The following SAMMSON variants were observed in gnomAD, a reference collection of about 807,000 sequenced individuals.
SAMMSON encodes the protein survival associated mitochondrial melanoma specific oncogenic non-coding RNA.
intron 3 of SAMMSON, chr3:70,014,174 G>C (rs144920469): frequency 6.6e-6 from 1 of 152,168 alleles, no homozygotes; most frequent in African/African-American, 2.4e-5. Flanking sequence ...TTCCAAAGCG[G>C]AGAGAGAACT....
chr3:70,379,229 G>A (rs1703045139), intron 9 of SAMMSON, among the ~76,000 whole-genome samples: 1 of 152,058 alleles, frequency 6.6e-6, no homozygotes, highest in Admixed American at 6.6e-5. Context: ...GGCCAGGCTG[G>A]TCTCAAGCGC....
At chr3:70,311,368 T>C (rs956057572) in intron 7 of SAMMSON, among the ~76,000 whole-genome samples, 3 of 152,140 alleles carry the variant, frequency 2.0e-5, no homozygotes, top group Non-Finnish European at 2.9e-5. Context: ...GGAGAACATA[T>C]TGATTTGTGT....
intron 6 of SAMMSON, among the ~76,000 whole-genome samples, chr3:70,277,003 C>T (rs1702033658): frequency 6.6e-6 from 1 of 152,022 alleles, no homozygotes; most frequent in Non-Finnish European, 1.5e-5. Flanking sequence ...GAACTCTTCA[C>T]ACACACATAA....
intron 3 of SAMMSON, among the ~76,000 whole-genome samples, chr3:70,020,493 A>G (rs1017883797): frequency 6.6e-6 from 1 of 152,172 alleles, no homozygotes; most frequent in Non-Finnish European, 1.5e-5. Flanking sequence ...CAGATGAATC[A>G]ACAGAACCAG....
chr3:70,288,781 TC>T (rs1402189105), intron 6 of SAMMSON, among the ~76,000 whole-genome samples: 3 of 151,910 alleles, frequency 2.0e-5, no homozygotes, highest in Non-Finnish European at 4.4e-5. Flanking sequence ...AGTTAGCTCT[TC>T]TTGTTGAATT....
chr3:70,413,375 G>C (rs1376630505), intron 2 of SAMMSON, among the ~76,000 whole-genome samples: 2 of 152,038 alleles, frequency 1.3e-5, no homozygotes, highest in Non-Finnish European at 2.9e-5. Context: ...TTCTGAAATT[G>C]CTCTTTGTGT....
At chr3:70,415,728 G>A (rs1289111069) in intron 2 of SAMMSON, among the ~76,000 whole-genome samples, 5 of 152,138 alleles carry the variant, frequency 3.3e-5, no homozygotes, top group Non-Finnish European at 5.9e-5. Flanking sequence ...GATATGGGAT[G>A]CAATCTTTTG....
chr3:70,419,652 T>C (rs879484641), intron 2 of SAMMSON, among the ~76,000 whole-genome samples: 1 of 152,110 alleles, frequency 6.6e-6, no homozygotes, highest in Non-Finnish European at 1.5e-5. Flanking sequence ...GGTTTGTTTG[T>C]TTTTGAGACT....
chr3:70,059,904 T>A (rs1382450756), intron 3 of SAMMSON, among the ~76,000 whole-genome samples: 1 of 152,090 alleles, frequency 6.6e-6, no homozygotes, highest in Non-Finnish European at 1.5e-5. Flanking sequence ...AGGGTAATAA[T>A]AAAAAGTTGA....
chr3:70,124,719 G>T (rs1461973238), intron 4 of SAMMSON, among the ~76,000 whole-genome samples: 1 of 149,908 alleles, frequency 6.7e-6, no homozygotes. Context: ...GGAGGCTGAG[G>T]CAGGAGAATG....
intron 6 of SAMMSON, among the ~76,000 whole-genome samples, chr3:70,260,037 A>G (rs1002613812): frequency 3.9e-5 from 6 of 152,182 alleles, no homozygotes; most frequent in Admixed American, 3.3e-4. Flanking sequence ...CCCTTGACAC[A>G]TGGGGATTAT....
chr3:70,158,405 A>G (rs2067600625), intron 4 of SAMMSON, among the ~76,000 whole-genome samples: 1 of 152,078 alleles, frequency 6.6e-6, no homozygotes, highest in African/African-American at 2.4e-5. Context: ...TTTATTGTTG[A>G]ATAGTATTCT....
At chr3:70,025,145 T>A (rs534089551) in intron 3 of SAMMSON, 1 of 152,234 alleles carries the variant, frequency 6.6e-6, no homozygotes, top group Non-Finnish European at 1.5e-5. Flanking sequence ...CGAGGCATAT[T>A]GTCACTTAAA....
chr3:70,213,053 C>T (rs1365785375), intron 4 of SAMMSON, among the ~76,000 whole-genome samples: 5 of 152,060 alleles, frequency 3.3e-5, no homozygotes, highest in Admixed American at 3.3e-4. Context: ...AAGGGATTCA[C>T]CTGCCTTGGC....
intron 9 of SAMMSON, among the ~76,000 whole-genome samples, chr3:70,360,680 A>G (rs575419465): frequency 7.9e-5 from 12 of 152,294 alleles, no homozygotes; most frequent in Non-Finnish European, 1.3e-4. Flanking sequence ...ATGCTTAATC[A>G]TTGAATTTTT....
At chr3:70,034,086 A>G (rs976113128) in intron 3 of SAMMSON, among the ~76,000 whole-genome samples, 3 of 152,158 alleles carry the variant, frequency 2.0e-5, no homozygotes, top group Non-Finnish European at 2.9e-5. Context: ...TGTACTGGAT[A>G]CCATGGAATT....
chr3:70,079,966 T>A (rs779283076), intron 4 of SAMMSON, among the ~76,000 whole-genome samples: 2 of 152,208 alleles, frequency 1.3e-5, no homozygotes, highest in Admixed American at 1.3e-4. Flanking sequence ...CCCAGCTCCT[T>A]TGAACTATTC....
intron 4 of SAMMSON, among the ~76,000 whole-genome samples, chr3:70,199,272 T>C (rs1348329241): frequency 1.3e-5 from 2 of 152,202 alleles, no homozygotes; most frequent in Admixed American, 6.5e-5. Context: ...TATAATTTCC[T>C]GAGAGTGTAC....
chr3:70,260,356 C>T (rs1002502712), intron 6 of SAMMSON, among the ~76,000 whole-genome samples: 16 of 152,082 alleles, frequency 1.1e-4, no homozygotes, highest in Admixed American at 5.9e-4. Flanking sequence ...CACTCTACTC[C>T]GGTACGACTT....
Sources: gnomAD v4.1 joint callset for allele counts (sites outside exome capture counted in the v4.1 genomes callset) on GRCh38, gnomAD v4.1.1 for gene constraint, MANE v1.5 for transcripts, NCBI Gene and HGNC (gene_info 2026-07-23, HGNC 2026-07-21) for gene names.